The following CCDC138 variants were observed in gnomAD, a reference collection of about 807,000 sequenced individuals.
CCDC138 encodes coiled-coil domain-containing protein 138.
In CCDC138, 66 loss-of-function variants were observed where a neutral mutation model predicts 82.3. That is an observed-to-expected ratio of 0.80 (90% CI 0.66 to 0.98). The LOEUF (loss-of-function observed/expected upper bound fraction) is 0.98, where lower values mean the gene tolerates loss of function less well. CCDC138 is among the 50% of genes least tolerant of loss of function. CCDC138 has a pLI of 0.00. For missense variants in CCDC138, 816 were observed against 758.9 expected, an observed-to-expected ratio of 1.08 and a Z score of -0.88; for synonymous variants, 297 against 265.4, an observed-to-expected ratio of 1.12 and a Z score of -1.16.
At chr2:108,793,186 T>G (rs901792140) in intron 4 of CCDC138, among the ~76,000 whole-genome samples, 1 of 143,732 alleles carries the variant, frequency 7.0e-6, no homozygotes. Flanking sequence ...TGAAACCCTG[T>G]CTCTACTAAA....
chr2:108,818,910 T>C (rs1208721946), intron 10 of CCDC138, among the ~76,000 whole-genome samples: 2 of 152,176 alleles, frequency 1.3e-5, no homozygotes, highest in Middle Eastern at 3.4e-3. Flanking sequence ...GAGGAGTAAA[T>C]TTGATATACT....
At chr2:108,846,318 AT>A (rs1161006328) in intron 11 of CCDC138, among the ~76,000 whole-genome samples, 1 of 152,162 alleles carries the variant, frequency 6.6e-6, no homozygotes, top group Non-Finnish European at 1.5e-5. Flanking sequence ...AATTTTACAT[AT>A]TTTCAACTTT....
intron 13 of CCDC138, among the ~76,000 whole-genome samples, chr2:108,865,487 TGTGC>T (rs1465053195): frequency 6.6e-6 from 1 of 152,242 alleles, no homozygotes; most frequent in African/African-American, 2.4e-5. Flanking sequence ...TTGATGTTTT[TGTGC>T]CATAGACAAA....
intron 2 of CCDC138, 64 bp from the exon 3 acceptor site, chr2:108,788,788 C>CA (rs1403067994): frequency 3.8e-6 from 6 of 1,597,908 alleles, no homozygotes; most frequent in Non-Finnish European, 4.3e-6. Context: ...GACTTATGGC[C>CA]AGTGCCAGAT....
chr2:108,831,525 G>T (rs934734122), intron 10 of CCDC138, among the ~76,000 whole-genome samples: 1 of 152,172 alleles, frequency 6.6e-6, no homozygotes, highest in African/African-American at 2.4e-5. Context: ...ATGAAAATAT[G>T]AAATGGCTAG....
chr2:108,865,620 T>G (rs1186000725), intron 13 of CCDC138, among the ~76,000 whole-genome samples: 1 of 152,196 alleles, frequency 6.6e-6, no homozygotes, highest in Non-Finnish European at 1.5e-5. Flanking sequence ...TCCACTTTCT[T>G]TGTTCTTAAT....
chr2:108,831,357 T>C (rs1687578436), intron 10 of CCDC138, among the ~76,000 whole-genome samples: 1 of 152,218 alleles, frequency 6.6e-6, no homozygotes, highest in Non-Finnish European at 1.5e-5. Flanking sequence ...AGGACCATTG[T>C]TACTTTTTTA....
intron 11 of CCDC138, 51 bp downstream of exon 11, chr2:108,839,352 C>T (rs1373401555): frequency 2.1e-6 from 3 of 1,420,960 alleles, no homozygotes; most frequent in Non-Finnish European, 2.9e-6. Flanking sequence ...CCTAATATTA[C>T]TTCTTGATCT....
At chr2:108,877,359 G>A (rs556281762), downstream of CCDC138, among the ~76,000 whole-genome samples, 176 of 151,938 alleles carry the variant, frequency 1.2e-3, 1 homozygote, top group African/African-American at 4.0e-3. Context: ...CTAGCTACTC[G>A]GGAGGCTGAG....
intron 13 of CCDC138, among the ~76,000 whole-genome samples, chr2:108,859,781 G>T (rs1479643374): frequency 2.0e-5 from 3 of 151,372 alleles, no homozygotes; most frequent in Non-Finnish European, 4.4e-5. Context: ...TTGGCTGTTT[G>T]GGCTCATTCT....
At chr2:108,809,401 T>A (rs1429336621) in intron 7 of CCDC138, among the ~76,000 whole-genome samples, 1 of 152,062 alleles carries the variant, frequency 6.6e-6, no homozygotes, top group Admixed American at 6.5e-5. Context: ...TAGATGACTT[T>A]GGTTATTTTG....
chr2:108,868,675 TGAA>T (rs1343005726), intron 13 of CCDC138, among the ~76,000 whole-genome samples: 1 of 152,206 alleles, frequency 6.6e-6, no homozygotes, highest in Non-Finnish European at 1.5e-5. Flanking sequence ...GCTTTTCTTC[TGAA>T]GAAGAACAGA....
At chr2:108,831,851 G>A (rs1330015121) in intron 10 of CCDC138, among the ~76,000 whole-genome samples, 5 of 151,976 alleles carry the variant, frequency 3.3e-5, no homozygotes, top group African/African-American at 1.2e-4. Context: ...TCCTGCCTCA[G>A]CCTCCCGAGT....
chr2:108,807,390 T>A (rs974770889), intron 7 of CCDC138, among the ~76,000 whole-genome samples: 2 of 152,210 alleles, frequency 1.3e-5, no homozygotes, highest in African/African-American at 4.8e-5. Context: ...TTATTTTTAA[T>A]TGACATAATT....
chr2:108,791,130 A>G (rs978627310), intron 3 of CCDC138, among the ~76,000 whole-genome samples: 12 of 152,154 alleles, frequency 7.9e-5, no homozygotes, highest in African/African-American at 2.9e-4. Flanking sequence ...ATATTAACTA[A>G]TATTTTTAAA....
chr2:108,800,060 C>T (rs532090839), intron 6 of CCDC138, among the ~76,000 whole-genome samples: 14 of 152,112 alleles, frequency 9.2e-5, no homozygotes, highest in African/African-American at 2.6e-4. Context: ...TATGTATCAC[C>T]TGTATCATCT....
Position 108,787,178 on chromosome 2 carries a change from C to CT in CCDC138, c.93+271dup, listed in dbSNP as rs991297284. On this transcript the variant is annotated intron_variant, in intron 1 of 14. Coordinates refer to ENST00000295124, the MANE Select transcript of CCDC138 (RefSeq NM_144978.3). ...TGGTGTTGGAGAAAGTGCTATTCAG[C>CT]TTTTTTTTGCAGTGATGTGAGTGGA... Among the ~76,000 whole-genome samples the CT allele has an allele frequency of 1.8e-4, 28 of 152,070 alleles. No homozygotes were observed. The East Asian group carries it at 4.4e-3, about 24-fold the overall frequency.
intron 12 of CCDC138, 54 bp from the exon 13 acceptor site, chr2:108,856,740 G>C: frequency 6.5e-7 from 1 of 1,539,504 alleles, no homozygotes; most frequent in Non-Finnish European, 8.8e-7. Context: ...TTCTGTTTCT[G>C]ATTGACACCT....
intron 3 of CCDC138, 94 bp downstream of exon 3, chr2:108,789,060 G>T: frequency 2.3e-6 from 3 of 1,325,618 alleles, no homozygotes; most frequent in South Asian, 1.3e-5. Context: ...GCTCTTTCCT[G>T]AGGACAAGTA....
Sources: gnomAD v4.1 joint callset for allele counts (sites outside exome capture counted in the v4.1 genomes callset) on GRCh38, gnomAD v4.1.1 for gene constraint, MANE v1.5 for transcripts, NCBI Gene and HGNC (gene_info 2026-07-23, HGNC 2026-07-21) for gene names.